OPCML: variants seen among roughly 807,000 people sequenced by gnomAD.
The protein encoded by OPCML is opioid-binding protein/cell adhesion molecule.
Under a neutral mutation model 37.8 loss-of-function variants are expected in OPCML, and 13 were observed. The ratio of observed to expected loss-of-function variants is 0.34; its 90% CI spans 0.22 to 0.55. The LOEUF is 0.55. Among genes scored for constraint, OPCML ranks in the 20% least tolerant of loss-of-function variants. OPCML has a pLI of 0.91. For synonymous variants in OPCML, 176 were observed against 168.8 expected (o/e 1.04, Z -0.33); for missense variants, 341 against 435.6 (o/e 0.78, Z 1.93).
intron 1 of OPCML, among the ~76,000 whole-genome samples, chr11:133,487,118 G>T (rs915074515): frequency 6.6e-6 from 1 of 151,878 alleles, no homozygotes; most frequent in Admixed American, 6.6e-5. Context: ...ATCTATTCTT[G>T]TAAGGTACTA....
intron 1 of OPCML, among the ~76,000 whole-genome samples, chr11:133,470,178 C>T (rs1947071629): frequency 6.6e-6 from 1 of 152,146 alleles, no homozygotes; most frequent in Admixed American, 6.5e-5. Flanking sequence ...GCTAATGGAA[C>T]TCCACGAAAC....
intron 1 of OPCML, among the ~76,000 whole-genome samples, chr11:133,342,876 A>G (rs915546127): frequency 2.0e-5 from 3 of 152,148 alleles, no homozygotes; most frequent in African/African-American, 7.2e-5. Flanking sequence ...AGAATTACTC[A>G]TTTTGGAGAC....
In OPCML at chr11:132,657,070, A is replaced by G. The variant is rs753443240; in HGVS notation, c.379+17T>C. 1 of 1,610,754 alleles carries G rather than the reference A, an allele frequency of 6.2e-7. No individual in the cohort carries two copies. The highest frequency in any genetic ancestry group is 1.3e-5 in the African/African-American group (1 of 74,916). ...TCACTGACGGGAATGGCAACCCCAG[A>G]TCCAGCTGGGACTTACCTTGCACTA... is the stretch of plus-strand genomic sequence containing the variant. On this transcript the variant is annotated intron_variant, in intron 3 of 7. Coordinates refer to ENST00000524381, the MANE Select transcript of OPCML (RefSeq NM_001012393.5).
chr11:132,646,611 C>T (rs1591667263), intron 3 of OPCML, among the ~76,000 whole-genome samples: 1 of 151,926 alleles, frequency 6.6e-6, no homozygotes, highest in Admixed American at 6.6e-5. Context: ...GTTGTGGGAA[C>T]GGAAAGGGAG....
intron 3 of OPCML, among the ~76,000 whole-genome samples, chr11:132,589,372 ATGTT>A (rs1342096695): frequency 6.6e-6 from 1 of 152,176 alleles, no homozygotes; most frequent in Non-Finnish European, 1.5e-5. Flanking sequence ...CATTCAACAA[ATGTT>A]TATTTACTGT....
At chr11:132,581,987 G>A (rs1003986205) in intron 3 of OPCML, among the ~76,000 whole-genome samples, 1 of 152,182 alleles carries the variant, frequency 6.6e-6, no homozygotes, top group Non-Finnish European at 1.5e-5. Context: ...GCAGCCCCCA[G>A]TGAAACAAAC....
At chr11:133,041,334 T>A (rs1947892776) in intron 1 of OPCML, among the ~76,000 whole-genome samples, 1 of 152,182 alleles carries the variant, frequency 6.6e-6, no homozygotes, top group African/African-American at 2.4e-5. Flanking sequence ...TGGCATCATG[T>A]TATTAATATT....
chr11:132,712,324 C>G (rs1380597377), intron 2 of OPCML, among the ~76,000 whole-genome samples: 1 of 151,898 alleles, frequency 6.6e-6, no homozygotes, highest in Non-Finnish European at 1.5e-5. Flanking sequence ...CCTCCTCCCC[C>G]ACAAGTGGTC....
intron 2 of OPCML, among the ~76,000 whole-genome samples, chr11:132,851,704 T>C (rs564472649): frequency 1.3e-5 from 2 of 152,222 alleles, no homozygotes; most frequent in South Asian, 4.1e-4. Flanking sequence ...TTCAAAAATC[T>C]ATATGTGGGT....
At chr11:133,015,773 C>G (rs1591914056) in intron 1 of OPCML, among the ~76,000 whole-genome samples, 2 of 152,310 alleles carry the variant, frequency 1.3e-5, no homozygotes, top group South Asian at 4.1e-4. Flanking sequence ...TGCAACTGAT[C>G]TTGGCTCCTC....
chr11:132,740,112 G>T (rs1286668828), intron 2 of OPCML, among the ~76,000 whole-genome samples: 1 of 152,230 alleles, frequency 6.6e-6, no homozygotes, highest in African/African-American at 2.4e-5. Context: ...AAAGAAAAGG[G>T]AGAAGCAGGT....
At chr11:133,035,186 C>G (rs900693785) in intron 1 of OPCML, among the ~76,000 whole-genome samples, 3 of 152,192 alleles carry the variant, frequency 2.0e-5, no homozygotes, top group Non-Finnish European at 2.9e-5. Context: ...GCCAGCCCGA[C>G]AGGGGAGGGT....
intron 1 of OPCML, among the ~76,000 whole-genome samples, chr11:133,242,135 T>C (rs1458765943): frequency 1.3e-5 from 2 of 152,148 alleles, no homozygotes; most frequent in Admixed American, 6.5e-5. Context: ...TCACCGAAGA[T>C]GTATTGAGCC....
chr11:133,314,235 A>T, intron 1 of OPCML, among the ~76,000 whole-genome samples: 1 of 44,844 alleles, frequency 2.2e-5, no homozygotes, highest in Admixed American at 3.6e-4. Context: ...TCCGTCTCAA[A>T]AAAAAAAAAA....
In OPCML at chr11:133,308,356, C is replaced by A. The variant is rs140382150; in HGVS notation, c.61+223908G>T. ...AAGGATTACACAAGTATGAAACAAC[C>A]TAACTTAATATTAGGGTTAAATAAA... On this transcript the variant is annotated intron_variant, in intron 1 of 7. Transcript: ENST00000524381. 1.3e-3 allele frequency among the ~76,000 whole-genome samples: 197 copies of A among 151,968 alleles called. 1 individual carries two copies. The highest frequency in any genetic ancestry group is 4.6e-3 in the African/African-American group (191 of 41,444).
intron 1 of OPCML, among the ~76,000 whole-genome samples, chr11:133,526,093 C>T (rs748661740): frequency 2.0e-5 from 3 of 152,152 alleles, no homozygotes; most frequent in Non-Finnish European, 2.9e-5. Context: ...GTGGGGGTGG[C>T]GACAGGACGT....
intron 1 of OPCML, among the ~76,000 whole-genome samples, chr11:133,372,136 C>T (rs965095069): frequency 1.3e-5 from 2 of 152,066 alleles, no homozygotes; most frequent in African/African-American, 4.8e-5. Flanking sequence ...CTATGGTTAG[C>T]AACAATGCAT....
rs1167350268 is a variant in OPCML, at chr11:133,173,678, T to A, written c.62-230668A>T. Among the ~76,000 whole-genome samples the A allele has an allele frequency of 6.6e-6, 1 of 152,204 alleles. No individual in the cohort carries two copies. The highest frequency in any genetic ancestry group is 1.5e-5 in the Non-Finnish European group (1 of 68,030). On this transcript the variant is annotated intron_variant, in intron 1 of 7. Transcript: ENST00000524381. This position sits in a 1 kb window ranked among gnomAD's most constrained non-coding sequence, Gnocchi z 7.8. ...GTAAGGGTAGACACCTCCCTGCAGA[T>A]AATAACGAGAACCATCAGCACCGAC... is the stretch of plus-strand genomic sequence containing the variant.
chr11:132,611,605 C>T (rs1938643976), intron 3 of OPCML, among the ~76,000 whole-genome samples: 1 of 152,110 alleles, frequency 6.6e-6, no homozygotes, highest in Admixed American at 6.5e-5. Context: ...ATGCAGGAGG[C>T]ACTGAACACA....
Sources: allele counts gnomAD v4.1 joint callset (sites outside exome capture counted in the v4.1 genomes callset), GRCh38; gene constraint gnomAD v4.1.1; non-coding constraint Gnocchi (gnomAD v3.1); transcripts MANE v1.5; gene names NCBI Gene and HGNC (gene_info 2026-07-23, HGNC 2026-07-21).